The following HIVEP2 variants were observed in gnomAD, a reference collection of about 807,000 sequenced individuals.
HIVEP2 encodes the protein HIVEP zinc finger 2.
HIVEP2 carries 14 observed loss-of-function variants against 180.7 expected under a neutral mutation model. That is an observed-to-expected ratio of 0.08 (90% CI 0.05 to 0.12). The LOEUF (loss-of-function observed/expected upper bound fraction) is 0.12, where lower values mean the gene tolerates loss of function less well. Ranked by LOEUF, HIVEP2 falls within the 10% of genes least tolerant of loss-of-function variation. HIVEP2 has a pLI of 1.00. For synonymous variants in HIVEP2, 1,184 were observed against 1,136.4 expected (o/e 1.04, Z -0.84); for missense variants, 2,579 against 3,008.5 (o/e 0.86, Z 3.34).
chr6:142,794,541 A>G (rs1226139474), intron 2 of HIVEP2, among the ~76,000 whole-genome samples: 6 of 152,208 alleles, frequency 3.9e-5, no homozygotes, highest in Non-Finnish European at 7.3e-5. Flanking sequence ...ACTGGATAGG[A>G]GCACTAATTA....
intron 2 of HIVEP2, among the ~76,000 whole-genome samples, chr6:142,827,310 G>A (rs556674148): frequency 3.4e-4 from 52 of 152,132 alleles, no homozygotes; most frequent in African/African-American, 1.2e-3. Flanking sequence ...AGCAATTTCT[G>A]AATTTTTCTT....
At chr6:142,891,600 C>T (rs952584652) in intron 1 of HIVEP2, among the ~76,000 whole-genome samples, 2 of 152,014 alleles carry the variant, frequency 1.3e-5, no homozygotes, top group African/African-American at 4.8e-5. Context: ...ATGATCTGTG[C>T]ACCTGGGCTA....
intron 1 of HIVEP2, among the ~76,000 whole-genome samples, chr6:142,860,429 C>T (rs1052701299): frequency 6.6e-6 from 1 of 152,138 alleles, no homozygotes; most frequent in East Asian, 1.9e-4. Flanking sequence ...GTTGGGAAGA[C>T]TGAAGTGCAC....
At chr6:142,900,613 A>G (rs1777112868) in intron 1 of HIVEP2, among the ~76,000 whole-genome samples, 1 of 152,156 alleles carries the variant, frequency 6.6e-6, no homozygotes, top group Admixed American at 6.5e-5. Context: ...AACTATGTTG[A>G]CATTCCAAGA....
rs115128721 is a variant in HIVEP2, at chr6:142,793,251, C to G, written c.-527-9636G>C. Among the ~76,000 whole-genome samples, 1,301 of 152,124 alleles carry G rather than the reference C, an allele frequency of 8.6e-3. 19 individuals carry two copies. Among genetic ancestry groups the G allele is most frequent in the African/African-American group, 0.03 (1,234 of 41,496 alleles). The stretch of plus-strand genomic sequence containing the variant: ...TTAAGACTGTTATATTTTTTAAAAA[C>G]TGTATATATCTCTCATAATTCTACA... On this transcript the variant is annotated intron_variant, in intron 2 of 9. Transcript: ENST00000367603.
At chr6:142,825,811 C>T (rs1017367503) in intron 2 of HIVEP2, among the ~76,000 whole-genome samples, 3 of 151,606 alleles carry the variant, frequency 2.0e-5, no homozygotes, top group African/African-American at 7.3e-5. Flanking sequence ...AATTAAAGTG[C>T]CAATAATGAA....
intron 1 of HIVEP2, among the ~76,000 whole-genome samples, chr6:142,902,472 C>G (rs1777155871): frequency 6.6e-6 from 1 of 152,116 alleles, no homozygotes; most frequent in South Asian, 2.1e-4. Context: ...CTAATTAATA[C>G]CAAATAAACT....
chr6:142,818,690 GACA>G (rs1430457859), intron 2 of HIVEP2, among the ~76,000 whole-genome samples: 1 of 38,662 alleles, frequency 2.6e-5, no homozygotes, highest in African/African-American at 9.8e-5. Flanking sequence ...AAGAGAGAGA[GACA>G]AGAAAGAAAG....
intron 1 of HIVEP2, among the ~76,000 whole-genome samples, chr6:142,847,982 G>T (rs1040888172): frequency 6.6e-6 from 1 of 152,210 alleles, no homozygotes; most frequent in Non-Finnish European, 1.5e-5. Flanking sequence ...ACAGTGCAGA[G>T]AACTTAATCC....
chr6:142,844,223 C>T (rs1467372239), intron 1 of HIVEP2, among the ~76,000 whole-genome samples: 3 of 151,726 alleles, frequency 2.0e-5, no homozygotes, highest in Admixed American at 6.6e-5. Flanking sequence ...GGGTATTGCA[C>T]AATGGATTCA....
At chr6:142,875,773 A>C (rs1161273910) in intron 1 of HIVEP2, among the ~76,000 whole-genome samples, 1 of 152,200 alleles carries the variant, frequency 6.6e-6, no homozygotes, top group African/African-American at 2.4e-5. Flanking sequence ...GGAGGAGCAC[A>C]GCTGTAGGCA....
rs769206193 is a variant in HIVEP2, at chr6:142,773,869, C to T, written c.870G>A (p.Glu290=). Residue 290 remains glutamate (E), a synonymous_variant, in exon 5 of 10, where the codon GAG becomes GAA. Transcript: ENST00000367603. ...GACCAGGACTCATTTTGTCAGAAGC[C>T]TCGGCAAATAAAGAACTCTCCTCAT... ...DTDEESSLFA[E]ASDKMSPGPP... is the part of the protein sequence containing the mutation. 2.5e-6 allele frequency: 4 copies of T among 1,613,588 alleles called. No homozygotes were observed. The highest frequency in any genetic ancestry group is 3.4e-6 in the Non-Finnish European group (4 of 1,180,042).
intron 2 of HIVEP2, among the ~76,000 whole-genome samples, chr6:142,820,040 C>T (rs949677142): frequency 2.6e-5 from 4 of 152,176 alleles, no homozygotes; most frequent in Non-Finnish European, 5.9e-5. Context: ...TACCTGGGCT[C>T]ACACACAGTT....
intron 2 of HIVEP2, among the ~76,000 whole-genome samples, chr6:142,795,156 G>A (rs946001102): frequency 6.6e-6 from 1 of 152,030 alleles, no homozygotes; most frequent in Admixed American, 6.5e-5. Context: ...TTTAAACAAG[G>A]CAACCAGAAG....
chr6:142,774,198 G>A lies in HIVEP2; in HGVS notation c.541C>T (p.His181Tyr), dbSNP rs760571643. The A allele has an allele frequency of 1.4e-5, 23 of 1,614,128 alleles. 1 individual carries two copies. The South Asian group carries it at 1.9e-4, about 13-fold the overall frequency. ...EQAEEAHKKE[H>Y]KPKKPGKYIC... ...TACTTGCCAGGCTTTTTGGGTTTGT[G>A]CTCTTTCTTGTGAGCCTCTTCTGCC... Residue 181 changes from histidine (H) to tyrosine (Y), a missense_variant, in exon 5 of 10, where the codon CAC (histidine) becomes TAC (tyrosine). His to Tyr is a moderately conservative substitution (Grantham distance 83). This residue lies in a region of HIVEP2 where 26 missense variants were observed against 76.9 expected (regional missense o/e 0.34). Transcript: ENST00000367603. This position sits in a 1 kb window ranked among gnomAD's most constrained non-coding sequence, Gnocchi z 5.1.
intron 1 of HIVEP2, among the ~76,000 whole-genome samples, chr6:142,942,751 C>T (rs1778210907): frequency 6.6e-6 from 1 of 152,108 alleles, no homozygotes. Flanking sequence ...CCAAAATTGT[C>T]CCCGAATCAG....
At chr6:142,888,566 T>C (rs533138862) in intron 1 of HIVEP2, among the ~76,000 whole-genome samples, 21 of 152,322 alleles carry the variant, frequency 1.4e-4, no homozygotes, top group South Asian at 2.1e-4. Context: ...GTCATTATCT[T>C]CATTGTTTTC....
In HIVEP2 at chr6:142,877,123, T is replaced by G. The variant is rs1776461262; in HGVS notation, c.-640-40076A>C. 1.3e-5 allele frequency among the ~76,000 whole-genome samples: 2 copies of G among 152,178 alleles called. 1 individual carries two copies. The highest frequency in any genetic ancestry group is 2.9e-5 in the Non-Finnish European group (2 of 68,026). On this transcript the variant is annotated intron_variant, in intron 1 of 9. Coordinates refer to ENST00000367603, the MANE Select transcript of HIVEP2 (RefSeq NM_006734.4). ...CTACAAAAGTATCAACTTTGTATATTTTTGCCCTTTTCTTTATTATCATAT... is the reference window on the plus strand; with the variant it reads ...CTACAAAAGTATCAACTTTGTATATGTTTGCCCTTTTCTTTATTATCATAT...
chr6:142,907,194 T>C (rs1264017925), intron 1 of HIVEP2, among the ~76,000 whole-genome samples: 1 of 152,238 alleles, frequency 6.6e-6, no homozygotes, highest in African/African-American at 2.4e-5. Context: ...TGTTGGAGAT[T>C]GTTCATTTCT....
Sources: gnomAD v4.1 joint callset for allele counts (sites outside exome capture counted in the v4.1 genomes callset) on GRCh38, gnomAD v4.1.1 for gene constraint, gnomAD v4.1.1 regional missense constraint, Gnocchi (gnomAD v3.1) non-coding constraint, MANE v1.5 for transcripts, NCBI Gene and HGNC (gene_info 2026-07-23, HGNC 2026-07-21) for gene names.